Variants in CHRM3 observed in about 807,000 individuals in gnomAD.
CHRM3 encodes muscarinic acetylcholine receptor M3.
In CHRM3, 11 loss-of-function variants were observed where a neutral mutation model predicts 41.8. That is an observed-to-expected ratio of 0.26 (90% CI 0.17 to 0.44). CHRM3 has a LOEUF of 0.44. CHRM3 is among the 20% of genes least tolerant of loss of function. The pLI is 1.00. For missense variants in CHRM3, 571 were observed against 745.4 expected, an observed-to-expected ratio of 0.77 and a Z score of 2.72; for synonymous variants, 297 against 301.4, an observed-to-expected ratio of 0.99 and a Z score of 0.15.
intron 5 of CHRM3, among the ~76,000 whole-genome samples, chr1:239,700,781 A>G (rs1558467185): frequency 6.6e-6 from 1 of 152,246 alleles, no homozygotes; most frequent in East Asian, 1.9e-4. Context: ...TTTCTTACTT[A>G]AGAAGTGTTT....
At chr1:239,879,293 G>C (rs1012586958) in intron 6 of CHRM3, among the ~76,000 whole-genome samples, 1 of 152,140 alleles carries the variant, frequency 6.6e-6, no homozygotes, top group Admixed American at 6.6e-5. Flanking sequence ...AACGCACCCA[G>C]CTTGTGCATT....
Position 239,526,387 on chromosome 1 carries a change from A to G in CHRM3, c.-421-19254A>G, listed in dbSNP as rs78734877. ...AGGTTTTACTGTCAATGAACAACTG[A>G]TATTTTTACGTGAATTAAGAGACAC... On this transcript the variant is annotated intron_variant, in intron 2 of 6. Coordinates refer to ENST00000676153, the MANE Select transcript of CHRM3 (RefSeq NM_001375978.1). Among the ~76,000 whole-genome samples the G allele has an allele frequency of 6.7e-3, 1,013 of 152,232 alleles. 15 individuals carry two copies. The highest frequency in any genetic ancestry group is 0.023 in the African/African-American group (945 of 41,522).
chr1:239,878,479 C>A (rs1272461380), intron 6 of CHRM3, among the ~76,000 whole-genome samples: 6 of 152,056 alleles, frequency 3.9e-5, no homozygotes, highest in Admixed American at 2.6e-4. Flanking sequence ...CGCTTGCTGG[C>A]CCATACTCAT....
At chr1:239,881,037 A>T (rs1677544912) in intron 6 of CHRM3, among the ~76,000 whole-genome samples, 1 of 152,014 alleles carries the variant, frequency 6.6e-6, no homozygotes, top group African/African-American at 2.4e-5. Flanking sequence ...TCATCCCAGC[A>T]CTTTGGGAGA....
chr1:239,884,335 G>T (rs1455208785), intron 6 of CHRM3, among the ~76,000 whole-genome samples: 1 of 152,184 alleles, frequency 6.6e-6, no homozygotes, highest in East Asian at 1.9e-4. Context: ...TTGAATTGAT[G>T]TAGTTATAAG....
At chr1:239,574,794 CTCT>C (rs1246006510) in intron 3 of CHRM3, among the ~76,000 whole-genome samples, 3 of 151,372 alleles carry the variant, frequency 2.0e-5, no homozygotes, top group Admixed American at 6.6e-5. Context: ...TTTTTTCTTC[CTCT>C]TCTTTCTTTC....
At chr1:239,670,355 T>C (rs1400813295) in intron 4 of CHRM3, among the ~76,000 whole-genome samples, 1 of 152,072 alleles carries the variant, frequency 6.6e-6, no homozygotes, top group Non-Finnish European at 1.5e-5. Context: ...ATAGGTAAAA[T>C]ATTTCTGTGT....
At chr1:239,857,662 T>G (rs762713674) in intron 6 of CHRM3, among the ~76,000 whole-genome samples, 2 of 152,210 alleles carry the variant, frequency 1.3e-5, no homozygotes, top group Non-Finnish European at 2.9e-5. Flanking sequence ...TGCCAGAGGC[T>G]CTCTTAGAGT....
At chr1:239,487,086 C>T (rs571590733) in intron 1 of CHRM3, among the ~76,000 whole-genome samples, 298 of 152,178 alleles carry the variant, frequency 2.0e-3, no homozygotes, top group African/African-American at 6.9e-3. Context: ...GCTATTCTTT[C>T]TTCCACTTGC....
intron 4 of CHRM3, among the ~76,000 whole-genome samples, chr1:239,637,387 A>T (rs10925936): frequency 0.047 from 7,099 of 152,164 alleles, 186 homozygotes; most frequent in Middle Eastern, 0.11. Flanking sequence ...ATCATTGTTA[A>T]TAACTTTCTA....
At chr1:239,531,795 G>A (rs1321809555) in intron 2 of CHRM3, among the ~76,000 whole-genome samples, 1 of 149,958 alleles carries the variant, frequency 6.7e-6, no homozygotes. Context: ...GAGTAGCTGG[G>A]ACCACAGGCA....
chr1:239,864,499 C>G (rs1675911349), intron 6 of CHRM3, among the ~76,000 whole-genome samples: 1 of 151,466 alleles, frequency 6.6e-6, no homozygotes, highest in Admixed American at 6.6e-5. Flanking sequence ...AAGAGCGAAA[C>G]TCCGTCTCAA....
intron 4 of CHRM3, among the ~76,000 whole-genome samples, chr1:239,651,451 G>A (rs1330670219): frequency 6.6e-6 from 1 of 152,234 alleles, no homozygotes; most frequent in Non-Finnish European, 1.5e-5. Context: ...ATGATTTAAA[G>A]CTGGAGGCAA....
At chr1:239,673,943 C>G (rs1464387202) in intron 4 of CHRM3, among the ~76,000 whole-genome samples, 1 of 152,106 alleles carries the variant, frequency 6.6e-6, no homozygotes, top group Non-Finnish European at 1.5e-5. Context: ...TAAAACACTC[C>G]AAAATCCAAA....
rs182168814 is a variant in CHRM3 at position 239,482,355 on chromosome 1, G to A, written c.-520-10354G>A. ...GATGGGAAACACTGTGGCTCTTTAG[G>A]GGAGAAAAGCACCCACAAGACTGGA... is the stretch of plus-strand genomic sequence containing the variant. On this transcript the variant is annotated intron_variant, in intron 1 of 6. Transcript: ENST00000676153. Among the ~76,000 whole-genome samples, 16 of 152,174 alleles carry A rather than the reference G, an allele frequency of 1.1e-4. No homozygotes were observed. The East Asian group carries it at 3.1e-3, about 29-fold the overall frequency.
intron 5 of CHRM3, chr1:239,706,451 G>T (rs1193775708): frequency 6.6e-6 from 1 of 152,054 alleles, no homozygotes; most frequent in Admixed American, 6.6e-5. Flanking sequence ...TGTCTCCTGG[G>T]TTGGATTGGC....
At chr1:239,622,835 T>C (rs1263582264) in intron 3 of CHRM3, among the ~76,000 whole-genome samples, 1 of 152,232 alleles carries the variant, frequency 6.6e-6, no homozygotes, top group Middle Eastern at 3.2e-3. Context: ...TAAAAAGTTC[T>C]ACTGTGGACA....
intron 3 of CHRM3, among the ~76,000 whole-genome samples, chr1:239,599,422 T>G (rs1296409480): frequency 1.0e-5 from 1 of 96,254 alleles, no homozygotes; most frequent in African/African-American, 3.1e-5. Flanking sequence ...AAATCCTCTG[T>G]TTACTGTTTT....
intron 3 of CHRM3, among the ~76,000 whole-genome samples, chr1:239,597,858 GTT>G (rs35067421): frequency 8.3e-6 from 1 of 120,872 alleles, no homozygotes; most frequent in Non-Finnish European, 1.7e-5. Context: ...AACTGTCAGA[GTT>G]TTTTTTTTTT....
Sources: gnomAD v4.1 joint callset for allele counts (sites outside exome capture counted in the v4.1 genomes callset) on GRCh38, gnomAD v4.1.1 for gene constraint, MANE v1.5 for transcripts, NCBI Gene and HGNC (gene_info 2026-07-23, HGNC 2026-07-21) for gene names.